Variants in SIL1 observed in about 807,000 individuals in gnomAD.
The protein encoded by SIL1 is SIL1 nucleotide exchange factor.
A neutral mutation model predicts 49.1 loss-of-function variants in SIL1; 40 were observed. That is an observed-to-expected ratio of 0.81 (90% CI 0.63 to 1.06). The LOEUF (loss-of-function observed/expected upper bound fraction) is 1.06, where lower values mean the gene tolerates loss of function less well. Ranked by LOEUF, SIL1 falls within the 50% of genes least tolerant of loss-of-function variation. The probability of loss-of-function intolerance (pLI) is 0.00; values close to 1 mark genes in which losing one functional copy is unlikely to be tolerated. For missense variants in SIL1, 500 were observed against 572.6 expected (o/e 0.87, Z 1.29); for synonymous variants, 253 against 250.8 (o/e 1.01, Z -0.08).
chr5:139,133,020 A>C (rs74683882), intron 1 of SIL1, among the ~76,000 whole-genome samples: 41 of 151,808 alleles, frequency 2.7e-4, no homozygotes, highest in African/African-American at 9.2e-4. Flanking sequence ...CTTGCCACCC[A>C]TAAACTCTGG....
At chr5:139,062,415 A>C (rs11242443) in intron 3 of SIL1, among the ~76,000 whole-genome samples, 128,337 of 152,074 alleles carry the variant, frequency 0.84, 54,662 homozygotes, top group African/African-American at 0.96. Flanking sequence ...TAGAAGAGTT[A>C]CCCAGCATGG....
intron 3 of SIL1, among the ~76,000 whole-genome samples, chr5:139,095,781 C>T (rs904538293): frequency 6.6e-6 from 1 of 151,872 alleles, no homozygotes; most frequent in Non-Finnish European, 1.5e-5. Flanking sequence ...TGAGTCGTGA[C>T]TGTGCCACTG....
intron 1 of SIL1, among the ~76,000 whole-genome samples, chr5:139,195,589 G>T (rs12187100): frequency 7.9e-5 from 12 of 151,718 alleles, no homozygotes; most frequent in African/African-American, 2.9e-4. Context: ...GGGTTTCACC[G>T]TGTTAGCCAG....
chr5:138,966,187 C>T (rs898182462), intron 7 of SIL1, among the ~76,000 whole-genome samples: 1 of 152,128 alleles, frequency 6.6e-6, no homozygotes, highest in Non-Finnish European at 1.5e-5. Flanking sequence ...CTCAAACCCC[C>T]GTTACTGCTG....
chr5:139,126,166 C>T (rs1028536160), intron 2 of SIL1, among the ~76,000 whole-genome samples: 4 of 152,202 alleles, frequency 2.6e-5, no homozygotes, highest in Non-Finnish European at 5.9e-5. Flanking sequence ...GCTTCAACTC[C>T]TACTTGTGCT....
At chr5:139,152,896 G>A (rs935314065) in intron 1 of SIL1, among the ~76,000 whole-genome samples, 24 of 152,076 alleles carry the variant, frequency 1.6e-4, no homozygotes, top group African/African-American at 3.9e-4. Context: ...TCAGCTCACC[G>A]CAACCTCTGC....
chr5:139,035,543 G>A (rs1768885450), intron 5 of SIL1: 1 of 508,202 alleles, frequency 2.0e-6, no homozygotes, highest in Non-Finnish European at 3.9e-6. Context: ...ACAGACCCAG[G>A]GGGCCAATCT....
chr5:138,978,686 C>T (rs1331232227), intron 7 of SIL1, among the ~76,000 whole-genome samples: 1 of 152,184 alleles, frequency 6.6e-6, no homozygotes, highest in East Asian at 1.9e-4. Context: ...TCTCCACATC[C>T]TTGTCAACAC....
chr5:138,980,382 G>T (rs1767489476), intron 7 of SIL1, among the ~76,000 whole-genome samples: 1 of 152,134 alleles, frequency 6.6e-6, no homozygotes. Context: ...CTTAAAGTTG[G>T]CTAAGTGCTA....
intron 3 of SIL1, among the ~76,000 whole-genome samples, chr5:139,073,106 G>C (rs1218413547): frequency 1.3e-5 from 2 of 152,176 alleles, no homozygotes; most frequent in Non-Finnish European, 2.9e-5. Context: ...CTGCTGATGG[G>C]AATGTGAATT....
intron 1 of SIL1, among the ~76,000 whole-genome samples, chr5:139,193,026 CAGGAA>C (rs1460867622): frequency 2.9e-5 from 3 of 104,858 alleles, no homozygotes; most frequent in East Asian, 2.8e-4. Context: ...AAAAAAAAAA[CAGGAA>C]AGGAAACGAA....
intron 3 of SIL1, among the ~76,000 whole-genome samples, chr5:139,094,346 C>G (rs1770408130): frequency 6.6e-6 from 1 of 152,122 alleles, no homozygotes; most frequent in Admixed American, 6.5e-5. Context: ...CAAGCACAGC[C>G]CTGGGCTCTG....
At chr5:139,077,771 C>A (rs986976965) in intron 3 of SIL1, among the ~76,000 whole-genome samples, 1 of 152,026 alleles carries the variant, frequency 6.6e-6, no homozygotes, top group Non-Finnish European at 1.5e-5. Context: ...CCCCAACACA[C>A]CCAAAATCCT....
At chr5:139,179,779 A>T (rs2151819041) in intron 1 of SIL1, among the ~76,000 whole-genome samples, 1 of 152,318 alleles carries the variant, frequency 6.6e-6, no homozygotes. Flanking sequence ...ACCCACAGCC[A>T]GATGTGGTGG....
chr5:138,966,509 AG>A (rs1767144919), intron 7 of SIL1, among the ~76,000 whole-genome samples: 1 of 151,966 alleles, frequency 6.6e-6, no homozygotes, highest in Non-Finnish European at 1.5e-5. Flanking sequence ...GGGCGGGTGT[AG>A]GGGGGTGGTG....
At chr5:139,021,840 A>G (rs1272947942) in intron 6 of SIL1, 1 of 191,926 alleles carries the variant, frequency 5.2e-6, no homozygotes, top group Non-Finnish European at 1.1e-5. Flanking sequence ...GGTTGACTGC[A>G]TCTGAAGACA....
intron 3 of SIL1, among the ~76,000 whole-genome samples, chr5:139,109,533 T>C (rs559297631): frequency 5.3e-5 from 8 of 152,204 alleles, no homozygotes; most frequent in African/African-American, 1.4e-4. Flanking sequence ...CCCCGCAGAT[T>C]CCATCTTCAG....
intron 6 of SIL1, among the ~76,000 whole-genome samples, chr5:139,025,185 T>C (rs769205521): frequency 2.6e-5 from 4 of 152,242 alleles, no homozygotes; most frequent in Non-Finnish European, 4.4e-5. Context: ...GATTTATTTA[T>C]TGAATAAATC....
intron 3 of SIL1, among the ~76,000 whole-genome samples, chr5:139,085,171 A>C (rs1770188120): frequency 6.6e-6 from 1 of 152,220 alleles, no homozygotes; most frequent in African/African-American, 2.4e-5. Flanking sequence ...GGTGAAAAGT[A>C]GCATGAACAA....
Sources: allele counts gnomAD v4.1 joint callset (sites outside exome capture counted in the v4.1 genomes callset), GRCh38; gene constraint gnomAD v4.1.1; transcripts MANE v1.5; gene names NCBI Gene and HGNC (gene_info 2026-07-23, HGNC 2026-07-21).